The following LRRC7 variants were observed in gnomAD, a reference collection of about 807,000 sequenced individuals.
LRRC7 encodes the protein leucine rich repeat containing 7, also known as leucine-rich repeat-containing protein 7.
Under a neutral mutation model 175.7 loss-of-function variants are expected in LRRC7, and 23 were observed. That is an observed-to-expected ratio of 0.13 (90% CI 0.09 to 0.19). LRRC7 has a LOEUF of 0.19. Among genes scored for constraint, LRRC7 ranks in the 10% least tolerant of loss-of-function variants. The pLI, the probability that LRRC7 is intolerant of heterozygous loss-of-function variation, is 1.00. For synonymous variants in LRRC7, 685 were observed against 680.9 expected (o/e 1.01, Z -0.09); for missense variants, 1,354 against 1,904.7 (o/e 0.71, Z 5.38).
intron 1 of LRRC7, among the ~76,000 whole-genome samples, chr1:69,626,039 A>G (rs1557505856): frequency 6.6e-6 from 1 of 152,074 alleles, no homozygotes; most frequent in Non-Finnish European, 1.5e-5. Flanking sequence ...TAAATGATCT[A>G]TTTTTGCTTT....
At chr1:69,785,966 A>G (rs1293129408) in intron 3 of LRRC7, among the ~76,000 whole-genome samples, 1 of 152,178 alleles carries the variant, frequency 6.6e-6, no homozygotes, top group Admixed American at 6.5e-5. Context: ...TAAACATATT[A>G]AGTGCATTTA....
chr1:70,012,130 C>T (rs993274070), intron 12 of LRRC7, among the ~76,000 whole-genome samples: 4 of 151,394 alleles, frequency 2.6e-5, no homozygotes, highest in East Asian at 1.9e-4. Flanking sequence ...ACTTAAATCT[C>T]GCATGCAAAT....
chr1:69,667,388 T>A (rs1314368464), intron 1 of LRRC7, among the ~76,000 whole-genome samples: 2 of 152,334 alleles, frequency 1.3e-5, no homozygotes, highest in East Asian at 3.9e-4. Context: ...ATCTGTCTAA[T>A]GCTGACAGTG....
In LRRC7 at chr1:69,954,703, CTG is replaced by C. The variant is rs543748627; in HGVS notation, c.711+23135_711+23136del. Reference sequence around the variant, plus strand: ...TAACCACAATAATTATAAAGAAAAACTGTTTTTTTAAGAAAAGCATTCTGTTC... The same window carrying C: ...TAACCACAATAATTATAAAGAAAAACTTTTTTTAAGAAAAGCATTCTGTTC... On this transcript the variant is annotated intron_variant, in intron 8 of 26. Coordinates refer to ENST00000651989, the MANE Select transcript of LRRC7 (RefSeq NM_001370785.2). Among the ~76,000 whole-genome samples, 319 of 152,084 alleles carry C rather than the reference CTG, an allele frequency of 2.1e-3. 3 individuals are homozygous for C. Among genetic ancestry groups the C allele is most frequent in the Non-Finnish European group, 2.9e-3 (200 of 67,926 alleles).
chr1:70,029,849 C>A (rs372563990), intron 18 of LRRC7, among the ~76,000 whole-genome samples: 8 of 152,100 alleles, frequency 5.3e-5, no homozygotes, highest in Non-Finnish European at 8.8e-5. Context: ...AATAATAAAT[C>A]TTAAAACTGT....
intron 4 of LRRC7, among the ~76,000 whole-genome samples, chr1:69,810,323 A>G (rs1282568099): frequency 6.6e-6 from 1 of 152,224 alleles, no homozygotes; most frequent in Non-Finnish European, 1.5e-5. Context: ...GGAAGAATCA[A>G]TATCATGAAA....
intron 1 of LRRC7, among the ~76,000 whole-genome samples, chr1:69,653,767 T>G (rs1582204): frequency 0.099 from 15,005 of 152,068 alleles, 840 homozygotes; most frequent in African/African-American, 0.16. Flanking sequence ...GTCCACAGTA[T>G]AATATTACTT....
chr1:70,139,095 G>A lies in LRRC7; in HGVS notation c.*17208G>A, dbSNP rs192701633. 2 of 152,242 alleles carry A rather than the reference G, an allele frequency of 1.3e-5. No individual in the cohort carries two copies. Among genetic ancestry groups the A allele is most frequent in the East Asian group, 3.9e-4 (2 of 5,178 alleles). The allele number at this position is 152,242 out of a possible 1,614,324, so 9.4% of individuals were successfully genotyped here. ...CCTACTGCAAAAACCAAGCCCACAA[G>A]TCTCCAATCCTAAAAGTCACTAGAA... is the stretch of plus-strand genomic sequence containing the variant. On this transcript the variant is annotated 3_prime_UTR_variant, in exon 27 of 27. Transcript: ENST00000651989.
chr1:69,967,552 T>C (rs1320084371), intron 8 of LRRC7, among the ~76,000 whole-genome samples: 1 of 152,128 alleles, frequency 6.6e-6, no homozygotes, highest in Non-Finnish European at 1.5e-5. Flanking sequence ...AGAGTCCATT[T>C]CACGCCCCCT....
intron 1 of LRRC7, among the ~76,000 whole-genome samples, chr1:69,573,387 AG>A (rs1205158904): frequency 2.6e-5 from 4 of 152,194 alleles, no homozygotes; most frequent in African/African-American, 9.7e-5. Flanking sequence ...AGCTTTTGAA[AG>A]CTGTATATTT....
Position 69,918,576 on chromosome 1 carries a change from T to G in LRRC7, c.648-12931T>G, listed in dbSNP as rs77354401. Among the ~76,000 whole-genome samples, 1,226 of 152,242 alleles carry G rather than the reference T, an allele frequency of 8.1e-3. 14 individuals carry two copies. Among genetic ancestry groups the G allele is most frequent in the African/African-American group, 0.027 (1,120 of 41,526 alleles). On this transcript the variant is annotated intron_variant, in intron 7 of 26. Transcript: ENST00000651989. The stretch of plus-strand genomic sequence containing the variant: ...ACTGTGTTATGGACTGTCTAAAATC[T>G]TGTGGGTAAGTGAAGACAGTCAAAC...
At chr1:70,041,109 G>A (rs924046309) in intron 21 of LRRC7, among the ~76,000 whole-genome samples, 17 of 152,160 alleles carry the variant, frequency 1.1e-4, no homozygotes, top group African/African-American at 4.1e-4. Context: ...AATGCTCAGT[G>A]TAAATTGGGG....
chr1:69,997,740 AG>A (rs1655134913), intron 11 of LRRC7, among the ~76,000 whole-genome samples: 1 of 151,244 alleles, frequency 6.6e-6, no homozygotes, highest in Admixed American at 6.6e-5. Flanking sequence ...CTTGCATCCC[AG>A]GGATGAAGCC....
intron 1 of LRRC7, among the ~76,000 whole-genome samples, chr1:69,630,006 G>A (rs1290421756): frequency 1.3e-5 from 2 of 151,794 alleles, no homozygotes; most frequent in African/African-American, 2.4e-5. Context: ...AATCATCTTG[G>A]CATGTGCACC....
intron 1 of LRRC7, among the ~76,000 whole-genome samples, chr1:69,593,260 C>A (rs754509911): frequency 3.9e-5 from 6 of 151,960 alleles, no homozygotes; most frequent in Non-Finnish European, 7.4e-5. Context: ...AAGTCATAAG[C>A]AAATTCGTGA....
rs1027535032 is a variant in LRRC7, at chr1:69,882,903, GATTTCCA to G, written c.647+44626_647+44632del. Among the ~76,000 whole-genome samples, 219 of 151,792 alleles carry G rather than the reference GATTTCCA, an allele frequency of 1.4e-3. 1 individual carries two copies. The highest frequency in any genetic ancestry group is 5.0e-3 in the African/African-American group (207 of 41,386). On this transcript the variant is annotated intron_variant, in intron 7 of 26. Transcript: ENST00000651989. ...CTTGCGATAGTTTACTGAGAATGAT[GATTTCCA>G]ATTTCATCCATGTCCCTACAAAGGA...
At chr1:69,891,269 C>T (rs371407800) in intron 7 of LRRC7, among the ~76,000 whole-genome samples, 1 of 152,130 alleles carries the variant, frequency 6.6e-6, no homozygotes, top group Admixed American at 6.6e-5. Context: ...ATTGATTGGC[C>T]TAATTTGTTG....
At chr1:69,620,097 C>T (rs1170382738) in intron 1 of LRRC7, among the ~76,000 whole-genome samples, 1 of 152,162 alleles carries the variant, frequency 6.6e-6, no homozygotes, top group African/African-American at 2.4e-5. Context: ...AACCTGGATT[C>T]TTCATATGCA....
chr1:70,043,343 G>C (rs1258127969), intron 21 of LRRC7, among the ~76,000 whole-genome samples: 2 of 152,076 alleles, frequency 1.3e-5, no homozygotes, highest in Non-Finnish European at 2.9e-5. Flanking sequence ...CACATAAAAT[G>C]TATTTGATTG....
Sources: allele counts gnomAD v4.1 joint callset (sites outside exome capture counted in the v4.1 genomes callset), GRCh38; gene constraint gnomAD v4.1.1; transcripts MANE v1.5; gene names NCBI Gene and HGNC (gene_info 2026-07-23, HGNC 2026-07-21).